BTBD10: variants seen among roughly 807,000 people sequenced by gnomAD.
BTBD10 encodes the protein BTB/POZ domain-containing protein 10.
A neutral mutation model predicts 53.2 loss-of-function variants in BTBD10; 21 were observed. That is an observed-to-expected ratio of 0.39 (90% CI 0.28 to 0.57). The LOEUF is 0.57. Ranked by LOEUF, BTBD10 falls within the 20% of genes least tolerant of loss-of-function variation. BTBD10 has a pLI of 0.53. For missense variants in BTBD10, 360 were observed against 594.7 expected, an observed-to-expected ratio of 0.61 and a Z score of 4.10; for synonymous variants, 149 against 192.7, an observed-to-expected ratio of 0.77 and a Z score of 1.88.
intron 6 of BTBD10, among the ~76,000 whole-genome samples, chr11:13,406,356 C>A (rs1221836397): frequency 1.3e-5 from 2 of 152,258 alleles, no homozygotes; most frequent in Non-Finnish European, 1.5e-5. Flanking sequence ...AGACTTCAAC[C>A]TCCTTAAGCA....
chr11:13,404,659 A>G (rs1368540268), intron 7 of BTBD10: 1 of 957,890 alleles, frequency 1.0e-6, no homozygotes, highest in Non-Finnish European at 1.2e-6. Context: ...CCTAGAACTG[A>G]GGAAATAGCA....
At chr11:13,397,123 C>A (rs1384167692) in intron 8 of BTBD10, among the ~76,000 whole-genome samples, 2 of 152,198 alleles carry the variant, frequency 1.3e-5, no homozygotes, top group East Asian at 3.8e-4. Context: ...ATGGTACCAG[C>A]TCCTCCTTGT....
intron 8 of BTBD10, among the ~76,000 whole-genome samples, chr11:13,400,556 G>T (rs1949691237): frequency 6.6e-6 from 1 of 152,182 alleles, no homozygotes; most frequent in South Asian, 2.1e-4. Flanking sequence ...CCACTGTCCT[G>T]CACCCACTGT....
intron 2 of BTBD10, among the ~76,000 whole-genome samples, chr11:13,438,120 T>C (rs189874788): frequency 7.2e-4 from 109 of 152,270 alleles, no homozygotes; most frequent in Non-Finnish European, 2.9e-4. Context: ...ATTATTATTA[T>C]ACTTTCCTTG....
chr11:13,418,461 T>C (rs998209370), intron 4 of BTBD10, among the ~76,000 whole-genome samples: 4 of 152,096 alleles, frequency 2.6e-5, no homozygotes, highest in East Asian at 1.9e-4. Context: ...CTATATATTA[T>C]GTAAAAATAT....
intron 7 of BTBD10, among the ~76,000 whole-genome samples, chr11:13,403,636 A>G (rs1949757801): frequency 6.6e-6 from 1 of 152,212 alleles, no homozygotes; most frequent in African/African-American, 2.4e-5. Context: ...TATCAAGCAA[A>G]GTAAAGGACT....
Position 13,417,176 on chromosome 11 carries a change from A to C in BTBD10, c.669T>G (p.Thr223=). ...EYEVAEGIGS[T]VFRAILDYYK... ...CACTCACCAGAATCGCTCGAAACAC[A>C]GTGGAACCAATTCCCTCTGCCACCT... Residue 223 remains threonine, a synonymous_variant, in exon 5 of 9, where the codon ACT becomes ACG. Coordinates refer to ENST00000278174, the MANE Select transcript of BTBD10 (RefSeq NM_032320.7). 6.2e-7 allele frequency: 1 copy of C among 1,612,960 alleles called. No individual in the cohort carries two copies. The highest frequency in any genetic ancestry group is 8.5e-7 in the Non-Finnish European group (1 of 1,179,554).
chr11:13,440,696 C>G (rs1481420233), intron 2 of BTBD10, among the ~76,000 whole-genome samples: 1 of 152,092 alleles, frequency 6.6e-6, no homozygotes, highest in East Asian at 1.9e-4. Context: ...TGCGTACTTC[C>G]ATGTGGGAAT....
intron 1 of BTBD10, among the ~76,000 whole-genome samples, chr11:13,458,154 A>C (rs1482618347): frequency 1.3e-5 from 2 of 151,740 alleles, no homozygotes; most frequent in African/African-American, 4.8e-5. Context: ...AAAAAAAAAA[A>C]AAAACTGTTC....
intron 6 of BTBD10, among the ~76,000 whole-genome samples, chr11:13,409,097 C>T (rs1342193730): frequency 1.3e-5 from 2 of 152,150 alleles, no homozygotes; most frequent in Non-Finnish European, 2.9e-5. Context: ...ACCTAGGTGC[C>T]TTGTTACCTC....
At chr11:13,439,920 C>A in intron 2 of BTBD10, 1 of 1,534,048 alleles carries the variant, frequency 6.5e-7, no homozygotes, top group Non-Finnish European at 8.7e-7. Context: ...CACACAAAAA[C>A]AAGAAAAAAA....
At chr11:13,391,817 G>A (rs538058365) in intron 8 of BTBD10, among the ~76,000 whole-genome samples, 41 of 152,306 alleles carry the variant, frequency 2.7e-4, no homozygotes, top group African/African-American at 8.9e-4. Flanking sequence ...GGTGGCGTGC[G>A]CCTGTAGTCC....
intron 1 of BTBD10, among the ~76,000 whole-genome samples, chr11:13,460,411 G>T (rs1347799097): frequency 6.6e-6 from 1 of 151,930 alleles, no homozygotes; most frequent in Non-Finnish European, 1.5e-5. Context: ...CTCTTACTTA[G>T]CTTTGACCTC....
At chr11:13,460,018 C>T (rs1382798359) in intron 1 of BTBD10, among the ~76,000 whole-genome samples, 2 of 152,202 alleles carry the variant, frequency 1.3e-5, no homozygotes, top group Non-Finnish European at 2.9e-5. Flanking sequence ...CAGAAGTAGT[C>T]TTATAACTCT....
intron 8 of BTBD10, among the ~76,000 whole-genome samples, chr11:13,402,709 T>G (rs1949739289): frequency 6.6e-6 from 1 of 152,190 alleles, no homozygotes; most frequent in Non-Finnish European, 1.5e-5. Context: ...TGTACTTACC[T>G]TGAAAATAAG....
At chr11:13,446,174 A>G (rs925149616) in intron 1 of BTBD10, among the ~76,000 whole-genome samples, 4 of 152,164 alleles carry the variant, frequency 2.6e-5, no homozygotes, top group African/African-American at 9.6e-5. Context: ...AAGCTATACA[A>G]TTTGGACTGG....
chr11:13,395,735 C>CCA (rs749363549), intron 8 of BTBD10, among the ~76,000 whole-genome samples: 103 of 152,290 alleles, frequency 6.8e-4, no homozygotes, highest in Non-Finnish European at 1.1e-3. Flanking sequence ...AGGAAGGGAT[C>CCA]CAGTTTCAGC....
At chr11:13,453,590 T>C (rs1319557358) in intron 1 of BTBD10, among the ~76,000 whole-genome samples, 2 of 152,252 alleles carry the variant, frequency 1.3e-5, no homozygotes, top group Non-Finnish European at 2.9e-5. Flanking sequence ...TAAATTTTTT[T>C]GGATTGCTTA....
chr11:13,439,900 C>A, intron 2 of BTBD10: 4 of 1,531,692 alleles, frequency 2.6e-6, no homozygotes, highest in Non-Finnish European at 2.6e-6. Flanking sequence ...TTAGTATATG[C>A]CAAGGTAGAC....
Sources: allele counts gnomAD v4.1 joint callset (sites outside exome capture counted in the v4.1 genomes callset), GRCh38; gene constraint gnomAD v4.1.1; transcripts MANE v1.5; gene names NCBI Gene and HGNC (gene_info 2026-07-23, HGNC 2026-07-21).